Variants in DNAJC24 observed in about 807,000 individuals in gnomAD.
DNAJC24 encodes dnaJ homolog subfamily C member 24.
A neutral mutation model predicts 18.0 loss-of-function variants in DNAJC24; 17 were observed. The observed-to-expected ratio is 0.94, with a 90% CI of 0.65 to 1.42. The LOEUF (loss-of-function observed/expected upper bound fraction) is 1.42, where lower values mean the gene tolerates loss of function less well. Ranked by LOEUF, DNAJC24 falls within the 40% of genes most tolerant of loss-of-function variation. The pLI is 0.00. For synonymous variants in DNAJC24, 55 were observed against 57.7 expected, an observed-to-expected ratio of 0.95 and a Z score of 0.21; for missense variants, 158 against 175.6, an observed-to-expected ratio of 0.90 and a Z score of 0.57.
intron 2 of DNAJC24, among the ~76,000 whole-genome samples, chr11:31,414,052 G>C (rs1010213318): frequency 5.3e-5 from 8 of 152,154 alleles, no homozygotes; most frequent in Non-Finnish European, 2.9e-5. Flanking sequence ...ATGTATATCA[G>C]CATTTAAGAA....
At chr11:31,397,462 G>A (rs1952552597) in intron 2 of DNAJC24, among the ~76,000 whole-genome samples, 1 of 147,554 alleles carries the variant, frequency 6.8e-6, no homozygotes, top group African/African-American at 2.5e-5. Context: ...TGTTGTACTT[G>A]ACTTTACCTT....
At chr11:31,427,874 G>T (rs1468622279) in intron 4 of DNAJC24, 1 of 151,172 alleles carries the variant, frequency 6.6e-6, no homozygotes, top group Non-Finnish European at 1.5e-5. Flanking sequence ...CAGCACTTTG[G>T]GAGGCTGAGT....
chr11:31,426,608 A>C (rs1952864507), intron 4 of DNAJC24: 3 of 330,522 alleles, frequency 9.1e-6, no homozygotes, highest in Non-Finnish European at 1.6e-5. Context: ...AAAGTTTCAT[A>C]AGAGTTTTTT....
intron 2 of DNAJC24, among the ~76,000 whole-genome samples, chr11:31,382,626 G>A (rs1952387078): frequency 1.3e-5 from 2 of 152,232 alleles, no homozygotes; most frequent in Middle Eastern, 6.8e-3. Context: ...GTTGTATACA[G>A]TTGTTTTGAG....
intron 2 of DNAJC24, among the ~76,000 whole-genome samples, chr11:31,386,200 C>T (rs905946011): frequency 3.9e-5 from 6 of 151,990 alleles, no homozygotes; most frequent in East Asian, 3.9e-4. Flanking sequence ...TTCCTGGACA[C>T]GTGTTATGCT....
At chr11:31,418,280 T>C (rs1378025933) in intron 3 of DNAJC24, among the ~76,000 whole-genome samples, 2 of 152,164 alleles carry the variant, frequency 1.3e-5, no homozygotes, top group African/African-American at 4.8e-5. Flanking sequence ...GGTAGCACTT[T>C]GGAAAACCCT....
In DNAJC24 at chr11:31,430,583, T is replaced by G; in HGVS notation, c.*182T>G. On this transcript the variant is annotated 3_prime_UTR_variant, in exon 5 of 5. Coordinates refer to ENST00000465995, the MANE Select transcript of DNAJC24 (RefSeq NM_181706.5). ...AATGAATATAATTATTTATTTGTAT[T>G]TATAATTTATATTTACAAGTTGTCA... is the stretch of plus-strand genomic sequence containing the variant. 1 of 300,950 alleles carries G rather than the reference T, an allele frequency of 3.3e-6. No individual in the cohort carries two copies. Among genetic ancestry groups the G allele is most frequent in the Non-Finnish European group, 5.8e-6 (1 of 172,954 alleles). 18.6% of individuals were successfully genotyped at this position (300,950 alleles called of 1,614,324 possible). A position where few individuals can be genotyped will look rare whatever the true frequency, so the allele number is the denominator to read the frequency against.
At chr11:31,376,188 CTTTTCGCCTT>C (rs1952313269) in intron 2 of DNAJC24, among the ~76,000 whole-genome samples, 2 of 152,222 alleles carry the variant, frequency 1.3e-5, no homozygotes, top group African/African-American at 4.8e-5. Context: ...GTAAGACATG[CTTTTCGCCTT>C]CTGCCATGAT....
intron 3 of DNAJC24, chr11:31,416,726 A>G (rs909882083): frequency 2.6e-5 from 4 of 152,172 alleles, no homozygotes; most frequent in Admixed American, 6.6e-5. Context: ...TCAAGAAGCT[A>G]CAGGGTGGGG....
At chr11:31,405,822 T>G (rs1386143053) in intron 2 of DNAJC24, among the ~76,000 whole-genome samples, 1 of 152,184 alleles carries the variant, frequency 6.6e-6, no homozygotes, top group Admixed American at 6.5e-5. Context: ...AGTCCAATAT[T>G]AAATGGCCAG....
At chr11:31,419,363 T>C (rs1361885225) in intron 3 of DNAJC24, among the ~76,000 whole-genome samples, 2 of 151,970 alleles carry the variant, frequency 1.3e-5, no homozygotes. Flanking sequence ...TTATCTTGAG[T>C]GGGAGAAGAC....
rs1263116806 is a variant in DNAJC24 at position 31,432,619 on chromosome 11, TATC to T, written c.*2224_*2226del. Reference sequence around the variant, plus strand: ...ACAATTAGTGAAAGTAATGTTATAGTATCATCATATTCCCTTTTGCTATCTGTC... The same window carrying T: ...ACAATTAGTGAAAGTAATGTTATAGTATCATATTCCCTTTTGCTATCTGTC... On this transcript the variant is annotated 3_prime_UTR_variant, in exon 5 of 5. Coordinates refer to ENST00000465995, the MANE Select transcript of DNAJC24 (RefSeq NM_181706.5). The T allele has an allele frequency of 3.4e-6, 4 of 1,159,838 alleles. No individual in the cohort carries two copies. The highest frequency in any genetic ancestry group is 5.2e-6 in the Non-Finnish European group (4 of 765,974). 71.8% of individuals were successfully genotyped at this position (1,159,838 alleles called of 1,614,324 possible).
intron 2 of DNAJC24, among the ~76,000 whole-genome samples, chr11:31,387,237 C>A (rs1040324633): frequency 6.6e-6 from 1 of 152,128 alleles, no homozygotes; most frequent in Non-Finnish European, 1.5e-5. Flanking sequence ...TAGAGCACTG[C>A]GACCTTGAGT....
intron 4 of DNAJC24, among the ~76,000 whole-genome samples, chr11:31,429,235 AAAAAC>A (rs1952894560): frequency 1.3e-5 from 2 of 152,152 alleles, no homozygotes; most frequent in South Asian, 4.1e-4. Context: ...TAAAAAAAAA[AAAAAC>A]ACATAAAGTT....
chr11:31,417,136 C>G (rs1351654896), intron 3 of DNAJC24: 1 of 151,572 alleles, frequency 6.6e-6, no homozygotes, highest in East Asian at 1.9e-4. Flanking sequence ...TTTCATGACA[C>G]TTTAGTACCT....
Position 31,430,334 on chromosome 11 carries a change from C to T in DNAJC24, c.383C>T (p.Ala128Val), listed in dbSNP as rs181756989. 9 of 1,610,910 alleles carry T rather than the reference C, an allele frequency of 5.6e-6. No individual in the cohort carries two copies. The highest frequency in any genetic ancestry group is 2.2e-5 in the South Asian group (2 of 90,850). ...GGKYSVSKDE[A>V]EEVSLISCDT... ...AAATACAGTGTTTCCAAGGATGAAG[C>T]GGAAGAAGTTAGCCTGATTTCTTGT... Residue 128 changes from alanine (A) to valine (V), a missense_variant, in exon 5 of 5, where the codon GCG becomes GTG. By Grantham distance (64) the Ala-to-Val change is moderately conservative. Transcript: ENST00000465995.
At chr11:31,426,380 A>G in intron 4 of DNAJC24, 25 bp downstream of exon 4, 3 of 1,322,272 alleles carry the variant, frequency 2.3e-6, no homozygotes, top group Non-Finnish European at 3.1e-6. Context: ...TTCTCTTGAC[A>G]ACATTTAAAA....
At chr11:31,421,362 G>C (rs920689026) in intron 3 of DNAJC24, among the ~76,000 whole-genome samples, 1 of 152,202 alleles carries the variant, frequency 6.6e-6, no homozygotes, top group African/African-American at 2.4e-5. Context: ...TTACACACCA[G>C]TGTCTTTAAG....
At chr11:31,381,247 T>C (rs1387069535) in intron 2 of DNAJC24, among the ~76,000 whole-genome samples, 1 of 152,198 alleles carries the variant, frequency 6.6e-6, no homozygotes, top group Non-Finnish European at 1.5e-5. Flanking sequence ...ATTTGTGTTT[T>C]GACTGATTTT....
Sources: allele counts gnomAD v4.1 joint callset (sites outside exome capture counted in the v4.1 genomes callset), GRCh38; gene constraint gnomAD v4.1.1; transcripts MANE v1.5; gene names NCBI Gene and HGNC (gene_info 2026-07-23, HGNC 2026-07-21).